Variants in CHRNB4 observed in about 807,000 individuals in gnomAD.
CHRNB4 encodes cholinergic receptor nicotinic beta 4 subunit.
CHRNB4 carries 23 observed loss-of-function variants against 40.4 expected under a neutral mutation model. The ratio of observed to expected loss-of-function variants is 0.57; its 90% CI spans 0.41 to 0.81. The LOEUF is 0.81. Ranked by LOEUF, CHRNB4 falls within the 30% of genes least tolerant of loss-of-function variation. The probability of loss-of-function intolerance (pLI) is 0.00; values close to 1 mark genes in which losing one functional copy is unlikely to be tolerated. For synonymous variants in CHRNB4, 285 were observed against 274.4 expected (o/e 1.04, Z -0.38); for missense variants, 568 against 670.6 (o/e 0.85, Z 1.69).
At position 78,660,156 on chromosome 15, in the gene CHRNB4, G is replaced by A. The variant is rs112197713; in HGVS notation, c.-851+356C>T. Reference sequence around the variant, plus strand: ...TGGAAGGCAGAAGCTGTAGTGAGTCGAGATCACGCCACTGCACTCCAGCCT... The same window carrying A: ...TGGAAGGCAGAAGCTGTAGTGAGTCAAGATCACGCCACTGCACTCCAGCCT... On this transcript the variant is annotated intron_variant and NMD_transcript_variant, in intron 1 of 11. Transcript: ENST00000559849. Among the ~76,000 whole-genome samples the A allele has an allele frequency of 4.5e-3, 679 of 151,134 alleles. 3 individuals carry two copies. The highest frequency in any genetic ancestry group is 0.015 in the African/African-American group (619 of 41,074).
Position 78,635,493 on chromosome 15 carries a change from G to A in CHRNB4, c.150C>T (p.Ser50=), listed in dbSNP as rs886510549. ...GCAGCTTGATGGAGATGAGCTGTGAGGAGCTGGTGGCTGGGCGGATCAGGT... is the reference window on the plus strand; with the variant it reads ...GCAGCTTGATGGAGATGAGCTGTGAAGAGCTGGTGGCTGGGCGGATCAGGT... ...YNNLIRPATS[S]SQLISIKLQL... Residue 50 remains serine (S), a synonymous_variant, in exon 2 of 6, where the codon TCC becomes TCT. Coordinates refer to ENST00000261751, the MANE Select transcript of CHRNB4 (RefSeq NM_000750.5). 1 of 1,614,080 alleles carries A rather than the reference G, an allele frequency of 6.2e-7. No homozygotes were observed. Among genetic ancestry groups the A allele is most frequent in the Non-Finnish European group, 8.5e-7 (1 of 1,180,050 alleles).
Position 78,629,015 on chromosome 15 carries a change from A to C in CHRNB4, c.1290T>G (p.Gly430=). 1 of 1,614,162 alleles carries C rather than the reference A, an allele frequency of 6.2e-7. No individual in the cohort carries two copies. Among genetic ancestry groups the C allele is most frequent in the Non-Finnish European group, 8.5e-7 (1 of 1,180,026 alleles). Residue 430 remains glycine (G), a synonymous_variant, in exon 5 of 6, where the codon GGT becomes GGG. Transcript: ENST00000261751. This position sits in a 1 kb window ranked among gnomAD's most constrained non-coding sequence, Gnocchi z 6.8. ...FRQDVQEALE[G]VSFIAQHMKN... is the part of the protein sequence containing the mutation. Reference sequence around the variant, plus strand: ...TCATGTGCTGGGCGATGAAGCTGACACCTTCTAATGCCTCCTGCACATCCT... The same window carrying C: ...TCATGTGCTGGGCGATGAAGCTGACCCCTTCTAATGCCTCCTGCACATCCT...
upstream of CHRNB4, among the ~76,000 whole-genome samples, chr15:78,645,331 C>T (rs1172443693): frequency 6.6e-6 from 1 of 152,172 alleles, no homozygotes; most frequent in African/African-American, 2.4e-5. Context: ...GCTCCCTTTA[C>T]TTATTGACCA....
upstream of CHRNB4, among the ~76,000 whole-genome samples, chr15:78,644,394 G>C (rs1353769758): frequency 1.3e-5 from 2 of 151,548 alleles, no homozygotes; most frequent in African/African-American, 4.8e-5. Flanking sequence ...AAAAGGGCTT[G>C]TGTGGGGGGT....
rs554165755 is a variant in CHRNB4, at chr15:78,659,676, ATGT to A, written c.-851+833_-851+835del. ...GGGACAGTCTTGGCATGTGAGGCTGATGTTGTGTGAACAAGGAGAACAGCCTAA... is the reference window on the plus strand; with the variant it reads ...GGGACAGTCTTGGCATGTGAGGCTGATGTGTGAACAAGGAGAACAGCCTAA... On this transcript the variant is annotated intron_variant and NMD_transcript_variant, in intron 1 of 11. Transcript: ENST00000559849. Among the ~76,000 whole-genome samples, 279 of 152,352 alleles carry A rather than the reference ATGT, an allele frequency of 1.8e-3. 3 individuals carry two copies. The highest frequency in any genetic ancestry group is 6.5e-3 in the African/African-American group (270 of 41,586).
At position 78,641,173 on chromosome 15, in the gene CHRNB4, G is replaced by A; in HGVS notation, c.-40C>T. 2.0e-6 allele frequency: 3 copies of A among 1,528,168 alleles called. No individual in the cohort carries two copies. The highest frequency in any genetic ancestry group is 2.6e-6 in the Non-Finnish European group (3 of 1,137,996). 94.7% of individuals were successfully genotyped at this position (1,528,168 alleles called of 1,614,324 possible). On this transcript the variant is annotated 5_prime_UTR_variant, in exon 1 of 6. Coordinates refer to ENST00000261751, the MANE Select transcript of CHRNB4 (RefSeq NM_000750.5). The stretch of plus-strand genomic sequence containing the variant: ...GGTGGCAGCCGCCGCGAGCTCCGCT[G>A]TGGGGTCACAGGGCACCCGTGAGCC...
intron 1 of CHRNB4, 57 bp downstream of exon 1, chr15:78,641,022 C>G (rs1250024216): frequency 3.3e-6 from 5 of 1,529,588 alleles, no homozygotes; most frequent in Admixed American, 3.9e-5. Flanking sequence ...TGTGGCCAGT[C>G]CAGCCCCTTT....
At chr15:78,636,058 C>T (rs1472738253) in intron 1 of CHRNB4, among the ~76,000 whole-genome samples, 1 of 152,136 alleles carries the variant, frequency 6.6e-6, no homozygotes, top group East Asian at 1.9e-4. Flanking sequence ...CAGGCCTGCG[C>T]CACCACACCC....
rs776089488 is a variant in CHRNB4 at position 78,626,371 on chromosome 15, TG to T, written c.1339-1081del. The T allele has an allele frequency of 3.4e-3, 495 of 146,268 alleles. 7 individuals carry two copies. Among genetic ancestry groups the T allele is most frequent in the South Asian group, 0.012 (54 of 4,582 alleles). 9.1% of individuals were successfully genotyped at this position (146,268 alleles called of 1,614,324 possible). A position where few individuals can be genotyped will look rare whatever the true frequency, so the allele number is the denominator to read the frequency against. ...GTGTGTGTGTGTGTGTGTGTGTGTG[TG>T]TGTGTGTGTGTGTTTCCCCCTTTTA... is the stretch of plus-strand genomic sequence containing the variant. On this transcript the variant is annotated intron_variant, in intron 5 of 5. Coordinates refer to ENST00000261751, the MANE Select transcript of CHRNB4 (RefSeq NM_000750.5).
intron 6 of CHRNB4, among the ~76,000 whole-genome samples, chr15:78,649,979 T>C (rs763490176): frequency 6.6e-6 from 1 of 152,040 alleles, no homozygotes; most frequent in Non-Finnish European, 1.5e-5. Context: ...TATAGATTTA[T>C]GTATGTTTGA....
intron 5 of CHRNB4, among the ~76,000 whole-genome samples, chr15:78,654,643 C>T (rs1413915655): frequency 6.6e-6 from 1 of 152,190 alleles, no homozygotes; most frequent in African/African-American, 2.4e-5. Flanking sequence ...CAGGCAGATT[C>T]CGGAGTCCAG....
chr15:78,656,341 A>C (rs1217048968), exon 4 of CHRNB4: 7 of 150,828 alleles, frequency 4.6e-5, no homozygotes, highest in African/African-American at 1.7e-4. Flanking sequence ...TGTCTCAAAA[A>C]AAAAAAAAAA....
At chr15:78,634,340 C>T (rs2053899741) in intron 2 of CHRNB4, among the ~76,000 whole-genome samples, 1 of 152,228 alleles carries the variant, frequency 6.6e-6, no homozygotes, top group Non-Finnish European at 1.5e-5. Flanking sequence ...CTGGGTTCAA[C>T]TCATTAAGCA....
chr15:78,661,034 G>C (rs75106522), upstream of CHRNB4: 1 of 565,752 alleles, frequency 1.8e-6, no homozygotes, highest in African/African-American at 1.9e-5. Flanking sequence ...GAGGGTAGGC[G>C]CCAGGGTTAG....
At chr15:78,639,479 T>C (rs751524601) in intron 1 of CHRNB4, among the ~76,000 whole-genome samples, 1 of 152,078 alleles carries the variant, frequency 6.6e-6, no homozygotes, top group South Asian at 2.1e-4. Flanking sequence ...TTTGTATTTT[T>C]AGTAGAGACG....
chr15:78,650,784 G>C (rs2054165489), intron 6 of CHRNB4, among the ~76,000 whole-genome samples: 1 of 152,198 alleles, frequency 6.6e-6, no homozygotes, highest in Non-Finnish European at 1.5e-5. Flanking sequence ...ACGAGGAGGG[G>C]GAAGAACAGC....
intron 1 of CHRNB4, among the ~76,000 whole-genome samples, chr15:78,638,204 G>C: frequency 6.6e-6 from 1 of 152,206 alleles, no homozygotes. Context: ...GCAGGCTGTG[G>C]GGCTCATGCT....
At chr15:78,635,169 C>G (rs183929129) in intron 2 of CHRNB4, among the ~76,000 whole-genome samples, 343 of 152,314 alleles carry the variant, frequency 2.3e-3, no homozygotes, top group African/African-American at 7.1e-3. Flanking sequence ...GGAGACCCAG[C>G]TGAGCAGAGT....
Position 78,629,796 on chromosome 15 carries a change from T to G in CHRNB4, c.509A>C (p.Lys170Thr). 6.2e-7 allele frequency: 1 copy of G among 1,614,130 alleles called. No individual in the cohort carries two copies. The highest frequency in any genetic ancestry group is 8.5e-7 in the Non-Finnish European group (1 of 1,180,034). The change falls in exon 5 of 6, where the codon AAG (lysine) becomes ACG (threonine). Residue 170 changes from lysine to threonine, a missense_variant. Around this residue, in one of 4 missense-constraint regions of CHRNB4, gnomAD observed 127 missense variants for 167.4 expected, o/e 0.76. Coordinates refer to ENST00000261751, the MANE Select transcript of CHRNB4 (RefSeq NM_000750.5). The surrounding 1 kb of genome is among the most constrained non-coding windows in gnomAD (Gnocchi z 6.8). ...GTGGTCATAGGTCCAGGAGCGGAAC[T>G]TGAGGGTGCAGTTCTGCTGGTCGAA... ...FPFDQQNCTL[K>T]FRSWTYDHTE...
Sources: allele counts gnomAD v4.1 joint callset (sites outside exome capture counted in the v4.1 genomes callset), GRCh38; gene constraint gnomAD v4.1.1; regional missense constraint gnomAD v4.1.1; non-coding constraint Gnocchi (gnomAD v3.1); transcripts MANE v1.5; gene names NCBI Gene and HGNC (gene_info 2026-07-23, HGNC 2026-07-21).